NKAIN2: variants seen among roughly 807,000 people sequenced by gnomAD.
NKAIN2 encodes the protein sodium/potassium transporting ATPase interacting 2.
A neutral mutation model predicts 32.6 loss-of-function variants in NKAIN2; 14 were observed. The ratio of observed to expected loss-of-function variants is 0.43; its 90% CI spans 0.28 to 0.67. The LOEUF (loss-of-function observed/expected upper bound fraction) is 0.67. Ranked by LOEUF, NKAIN2 falls within the 30% of genes least tolerant of loss-of-function variation. The pLI is 0.17. For missense variants in NKAIN2, 198 were observed against 258.3 expected, an observed-to-expected ratio of 0.77 and a Z score of 1.60; for synonymous variants, 80 against 87.2, an observed-to-expected ratio of 0.92 and a Z score of 0.46.
At chr6:124,679,498 G>A (rs188699933) in intron 4 of NKAIN2, among the ~76,000 whole-genome samples, 1 of 152,148 alleles carries the variant, frequency 6.6e-6, no homozygotes, top group African/African-American at 2.4e-5. Context: ...CCAAGTGGAA[G>A]GACTGTGATG....
At chr6:124,301,017 G>A (rs895481774) in intron 2 of NKAIN2, among the ~76,000 whole-genome samples, 12 of 152,184 alleles carry the variant, frequency 7.9e-5, no homozygotes, top group Admixed American at 6.5e-4. Context: ...AGCAGAAAAT[G>A]TCTCCAGGGC....
At chr6:124,333,476 AT>A (rs1797746368) in intron 2 of NKAIN2, among the ~76,000 whole-genome samples, 1 of 152,090 alleles carries the variant, frequency 6.6e-6, no homozygotes. Context: ...CCTGGCCAAC[AT>A]GATGAAAACC....
At chr6:124,388,282 T>C (rs1187672426) in intron 3 of NKAIN2, among the ~76,000 whole-genome samples, 2 of 152,060 alleles carry the variant, frequency 1.3e-5, no homozygotes, top group African/African-American at 4.8e-5. Context: ...ATTATACCCT[T>C]TCTATTCACT....
chr6:124,654,077 C>T (rs10452644), intron 3 of NKAIN2, among the ~76,000 whole-genome samples: 38,915 of 151,938 alleles, frequency 0.26, 5,107 homozygotes, highest in East Asian at 0.32. Context: ...TGTTACTTCA[C>T]ACATTTCATA....
At chr6:124,126,647 C>T (rs538057258) in intron 1 of NKAIN2, among the ~76,000 whole-genome samples, 3 of 152,280 alleles carry the variant, frequency 2.0e-5, no homozygotes, top group Admixed American at 2.0e-4. Context: ...AATAGCTGGG[C>T]ACTGTAGCTC....
intron 1 of NKAIN2, among the ~76,000 whole-genome samples, chr6:124,268,745 C>T (rs557149499): frequency 6.6e-6 from 1 of 151,426 alleles, no homozygotes; most frequent in African/African-American, 2.4e-5. Flanking sequence ...ATTTATTCTA[C>T]ATATTCAGTA....
At chr6:124,558,661 A>G (rs1780567754) in intron 3 of NKAIN2, among the ~76,000 whole-genome samples, 1 of 152,074 alleles carries the variant, frequency 6.6e-6, no homozygotes, top group Admixed American at 6.6e-5. Flanking sequence ...ATTATGCCAG[A>G]CCTCAGCTGG....
chr6:124,069,956 T>C (rs912162444), intron 1 of NKAIN2, among the ~76,000 whole-genome samples: 1 of 152,206 alleles, frequency 6.6e-6, no homozygotes, highest in Non-Finnish European at 1.5e-5. Context: ...CACTGAACTT[T>C]GTCAATTCTA....
At chr6:124,419,672 G>A (rs979255508) in intron 3 of NKAIN2, among the ~76,000 whole-genome samples, 68 of 152,190 alleles carry the variant, frequency 4.5e-4, no homozygotes, top group African/African-American at 1.6e-3. Flanking sequence ...AACAATAGAA[G>A]ACATAAGATA....
intron 2 of NKAIN2, among the ~76,000 whole-genome samples, chr6:124,323,213 T>C (rs917961709): frequency 6.6e-6 from 1 of 152,180 alleles, no homozygotes; most frequent in Non-Finnish European, 1.5e-5. Context: ...TTTTCTCCCA[T>C]TCTGAAGCTT....
At chr6:124,311,695 C>T (rs566307741) in intron 2 of NKAIN2, among the ~76,000 whole-genome samples, 1 of 152,102 alleles carries the variant, frequency 6.6e-6, no homozygotes, top group Non-Finnish European at 1.5e-5. Context: ...TTCACATGCT[C>T]AGTAGAGCCC....
chr6:123,865,991 T>C (rs1255177469), intron 1 of NKAIN2, among the ~76,000 whole-genome samples: 1 of 152,218 alleles, frequency 6.6e-6, no homozygotes, highest in Non-Finnish European at 1.5e-5. Context: ...TGTGAAATGA[T>C]AGAAAATGCG....
chr6:124,603,389 C>T (rs1782379554), intron 3 of NKAIN2, among the ~76,000 whole-genome samples: 1 of 151,666 alleles, frequency 6.6e-6, no homozygotes, highest in South Asian at 2.1e-4. Flanking sequence ...TCCTTAAATT[C>T]CTGCATTTCT....
chr6:124,816,772 T>G (rs748102528), intron 5 of NKAIN2, among the ~76,000 whole-genome samples: 1 of 152,162 alleles, frequency 6.6e-6, no homozygotes, highest in Non-Finnish European at 1.5e-5. Flanking sequence ...AAGTAATGGG[T>G]GTCCTAGGGC....
At chr6:123,907,151 T>C (rs1351260591) in intron 1 of NKAIN2, among the ~76,000 whole-genome samples, 15 of 152,178 alleles carry the variant, frequency 9.9e-5, no homozygotes, top group Admixed American at 9.8e-4. Context: ...CTACTATCAG[T>C]ATGGTTACTG....
At chr6:123,955,094 T>C (rs1206600699) in intron 1 of NKAIN2, among the ~76,000 whole-genome samples, 1 of 151,806 alleles carries the variant, frequency 6.6e-6, no homozygotes, top group Non-Finnish European at 1.5e-5. Flanking sequence ...CCAATATTTA[T>C]TCTTCCAGAA....
At chr6:124,200,056 T>C (rs906596607) in intron 1 of NKAIN2, among the ~76,000 whole-genome samples, 7 of 152,118 alleles carry the variant, frequency 4.6e-5, no homozygotes, top group African/African-American at 1.4e-4. Context: ...GTGAAGAAGA[T>C]ACCTTGTTCT....
At chr6:124,076,104 T>C (rs1783684176) in intron 1 of NKAIN2, among the ~76,000 whole-genome samples, 1 of 152,224 alleles carries the variant, frequency 6.6e-6, no homozygotes, top group Non-Finnish European at 1.5e-5. Flanking sequence ...GTCCCAGCAT[T>C]GGCTATCAGC....
At chr6:123,946,912 C>T (rs565911498) in intron 1 of NKAIN2, among the ~76,000 whole-genome samples, 9 of 152,248 alleles carry the variant, frequency 5.9e-5, no homozygotes, top group Non-Finnish European at 4.4e-5. Flanking sequence ...CATTGATTGG[C>T]AGTCCCTCCC....
Sources: allele counts gnomAD v4.1 joint callset (sites outside exome capture counted in the v4.1 genomes callset), GRCh38; gene constraint gnomAD v4.1.1; transcripts MANE v1.5; gene names NCBI Gene and HGNC (gene_info 2026-07-23, HGNC 2026-07-21).